Variants in CNTNAP5 observed in about 807,000 individuals in gnomAD.
The protein encoded by CNTNAP5 is contactin associated protein family member 5.
In CNTNAP5, 72 loss-of-function variants were observed where a neutral mutation model predicts 150.2. The observed-to-expected ratio is 0.48, with a 90% confidence interval of 0.40 to 0.58. The LOEUF is 0.58. CNTNAP5 is among the 20% of genes least tolerant of loss of function. CNTNAP5 has a pLI of 0.00. For synonymous variants in CNTNAP5, 672 were observed against 619.8 expected (o/e 1.08, Z -1.25); for missense variants, 1,636 against 1,626.2 (o/e 1.01, Z -0.10).
At chr2:124,444,620 A>C (rs535195731) in intron 5 of CNTNAP5, among the ~76,000 whole-genome samples, 2 of 151,956 alleles carry the variant, frequency 1.3e-5, no homozygotes, top group African/African-American at 2.4e-5. Context: ...ACAAACAAAC[A>C]AGCAAAAAAA....
intron 3 of CNTNAP5, among the ~76,000 whole-genome samples, chr2:124,253,759 AT>A (rs539214388): frequency 1.3e-5 from 2 of 151,884 alleles, no homozygotes; most frequent in Non-Finnish European, 2.9e-5. Flanking sequence ...ACTCCAAATT[AT>A]TTTTTTTCCA....
At chr2:124,286,774 C>T (rs1335692396) in intron 3 of CNTNAP5, among the ~76,000 whole-genome samples, 1 of 152,184 alleles carries the variant, frequency 6.6e-6, no homozygotes, top group East Asian at 1.9e-4. Context: ...AGAAATTCTC[C>T]AGTTCAGGGT....
intron 4 of CNTNAP5, among the ~76,000 whole-genome samples, chr2:124,430,234 G>A (rs1418971244): frequency 1.3e-5 from 2 of 152,126 alleles, no homozygotes; most frequent in East Asian, 3.9e-4. Context: ...CTCAGCGTGG[G>A]TGGGTCAGAC....
chr2:124,266,453 G>A (rs957665590), intron 3 of CNTNAP5, among the ~76,000 whole-genome samples: 8 of 151,902 alleles, frequency 5.3e-5, no homozygotes, highest in African/African-American at 1.5e-4. Flanking sequence ...GCTAAATTTC[G>A]CCTTCCAAAA....
intron 19 of CNTNAP5, among the ~76,000 whole-genome samples, chr2:124,821,463 G>C (rs1311507604): frequency 1.3e-5 from 2 of 152,180 alleles, no homozygotes; most frequent in Non-Finnish European, 2.9e-5. Context: ...GTCTGGCATA[G>C]GGCTTTTTAA....
Position 124,209,810 on chromosome 2 carries a change from C to A in CNTNAP5, c.83-11895C>A, listed in dbSNP as rs564706838. ...GAGGTGGAGTATTATACACAAAAGACCCCATAAAGGAGAAAAGGAATTTCT... is the reference window on the plus strand; with the variant it reads ...GAGGTGGAGTATTATACACAAAAGAACCCATAAAGGAGAAAAGGAATTTCT... On this transcript the variant is annotated intron_variant, in intron 1 of 23. Transcript: ENST00000682447. Among the ~76,000 whole-genome samples, 17 of 152,222 alleles carry A rather than the reference C, an allele frequency of 1.1e-4. 1 individual carries two copies. In the South Asian group the frequency reaches 3.5e-3, roughly 32 times the overall value.
chr2:124,761,143 C>G (rs1418125663), intron 14 of CNTNAP5, among the ~76,000 whole-genome samples: 1 of 152,098 alleles, frequency 6.6e-6, no homozygotes, highest in Non-Finnish European at 1.5e-5. Context: ...CTGTAGACTC[C>G]TTGCCTATCA....
intron 12 of CNTNAP5, among the ~76,000 whole-genome samples, chr2:124,644,355 T>G (rs1437004222): frequency 1.1e-4 from 16 of 152,066 alleles, no homozygotes; most frequent in Non-Finnish European, 1.6e-4. Context: ...CAACCACCAA[T>G]GCAGCTGAGG....
At chr2:124,376,516 G>A (rs1690653187) in intron 3 of CNTNAP5, among the ~76,000 whole-genome samples, 1 of 152,006 alleles carries the variant, frequency 6.6e-6, no homozygotes, top group Admixed American at 6.6e-5. Context: ...CTTTATGAGT[G>A]CCTCTAAACT....
chr2:124,340,490 C>T (rs566337399), intron 3 of CNTNAP5, among the ~76,000 whole-genome samples: 1 of 151,988 alleles, frequency 6.6e-6, no homozygotes. Context: ...AAATAATATA[C>T]CATACTCTGA....
At chr2:124,482,294 C>T (rs1178025146) in intron 7 of CNTNAP5, among the ~76,000 whole-genome samples, 2 of 152,100 alleles carry the variant, frequency 1.3e-5, no homozygotes, top group Admixed American at 1.3e-4. Flanking sequence ...GATCCTCTGT[C>T]TCCTGTGTGT....
intron 13 of CNTNAP5, among the ~76,000 whole-genome samples, chr2:124,683,442 A>C: frequency 6.6e-6 from 1 of 151,988 alleles, no homozygotes; most frequent in South Asian, 2.1e-4. Context: ...TTTCATGGAT[A>C]AGTTTTTTGG....
At chr2:124,698,581 A>C (rs1379521757) in intron 13 of CNTNAP5, among the ~76,000 whole-genome samples, 1 of 152,140 alleles carries the variant, frequency 6.6e-6, no homozygotes, top group Non-Finnish European at 1.5e-5. Context: ...TGATTGGGTC[A>C]TTCTACCTGG....
chr2:124,310,541 A>T (rs993202636), intron 3 of CNTNAP5, among the ~76,000 whole-genome samples: 5 of 152,074 alleles, frequency 3.3e-5, no homozygotes, highest in Non-Finnish European at 7.4e-5. Context: ...GCCCTCCCTT[A>T]ACAAACCCTC....
intron 8 of CNTNAP5, among the ~76,000 whole-genome samples, chr2:124,510,477 G>A (rs1393950565): frequency 6.8e-5 from 7 of 102,588 alleles, no homozygotes; most frequent in South Asian, 3.8e-4. Context: ...TTATGTATGT[G>A]TATATATATA....
In CNTNAP5 at chr2:124,524,158, T is replaced by A. The variant is rs145751982; in HGVS notation, c.1328-145T>A. 1,806 of 633,740 alleles carry A rather than the reference T, an allele frequency of 2.8e-3. 27 individuals are homozygous for A. The highest frequency in any genetic ancestry group is 0.028 in the African/African-American group (1,529 of 55,226). The allele number at this position is 633,740 out of a possible 1,614,324, so 39.3% of individuals were successfully genotyped here. ...GAGGAAGAACAATGCTTTTTATGAA[T>A]CTTCCAAGGGCTTGTATCCAGCCGA... On this transcript the variant is annotated intron_variant, in intron 8 of 23. Transcript: ENST00000682447.
chr2:124,444,736 G>A (rs1477340771), intron 5 of CNTNAP5, among the ~76,000 whole-genome samples: 1 of 152,170 alleles, frequency 6.6e-6, no homozygotes, highest in Non-Finnish European at 1.5e-5. Flanking sequence ...TGGGATCCAG[G>A]CCGACGAGCT....
At chr2:124,078,551 T>G (rs1682490162) in intron 1 of CNTNAP5, among the ~76,000 whole-genome samples, 1 of 152,208 alleles carries the variant, frequency 6.6e-6, no homozygotes, top group Non-Finnish European at 1.5e-5. Flanking sequence ...ATTGGTTTTA[T>G]TCCTCAAAAG....
chr2:124,036,685 C>T (rs1053495402), intron 1 of CNTNAP5, among the ~76,000 whole-genome samples: 1 of 152,086 alleles, frequency 6.6e-6, no homozygotes, highest in Non-Finnish European at 1.5e-5. Context: ...GCTTCTTTCT[C>T]GGCAGGGTTT....
Sources: gnomAD v4.1 joint callset for allele counts (sites outside exome capture counted in the v4.1 genomes callset) on GRCh38, gnomAD v4.1.1 for gene constraint, MANE v1.5 for transcripts, NCBI Gene and HGNC (gene_info 2026-07-23, HGNC 2026-07-21) for gene names.